The following ASNS variants were observed in gnomAD, a reference collection of about 807,000 sequenced individuals.
The protein encoded by ASNS is asparagine synthetase [glutamine-hydrolyzing].
A neutral mutation model predicts 62.6 loss-of-function variants in ASNS; 37 were observed. That is an observed-to-expected ratio of 0.59 (90% confidence interval 0.45 to 0.78). The LOEUF (loss-of-function observed/expected upper bound fraction) is 0.78. Ranked by LOEUF, ASNS falls within the 30% of genes least tolerant of loss-of-function variation. The pLI is 0.00. For missense variants in ASNS, 520 were observed against 682.4 expected (o/e 0.76, Z 2.65); for synonymous variants, 207 against 237.9 (o/e 0.87, Z 1.19).
At chr7:97,880,934 TTTTTGTTTTG>T in the ASNS span, among the ~76,000 whole-genome samples, 1 of 150,272 alleles carries the variant, frequency 6.7e-6, no homozygotes, top group South Asian at 2.1e-4. Context: ...TGTGTGTGTG[TTTTTGTTTTG>T]TTTTGTTTTG....
At chr7:97,877,289 T>C (rs1792461642), upstream of ASNS, among the ~76,000 whole-genome samples, 2 of 152,102 alleles carry the variant, frequency 1.3e-5, no homozygotes, top group South Asian at 4.2e-4. Context: ...GAGACGGGGT[T>C]TTACCATGTT....
the ASNS span, among the ~76,000 whole-genome samples, chr7:97,925,244 C>T: frequency 6.6e-6 from 1 of 152,170 alleles, no homozygotes; most frequent in South Asian, 2.1e-4. Context: ...TCTCATTTAT[C>T]TCCATTTTAT....
chr7:97,854,090 G>A (rs1791313476), intron 10 of ASNS, among the ~76,000 whole-genome samples: 1 of 152,152 alleles, frequency 6.6e-6, no homozygotes, highest in South Asian at 2.1e-4. Flanking sequence ...AAAGAAACCT[G>A]GTTCTTTATA....
chr7:97,878,862 G>A, the ASNS span, among the ~76,000 whole-genome samples: 1 of 152,164 alleles, frequency 6.6e-6, no homozygotes, highest in South Asian at 2.1e-4. Flanking sequence ...AAAGAACAAA[G>A]CTGGAGGCAT....
At chr7:97,858,656 A>C (rs1019715637) in intron 6 of ASNS, among the ~76,000 whole-genome samples, 198 bp downstream of exon 6, 6 of 152,216 alleles carry the variant, frequency 3.9e-5, no homozygotes, top group Non-Finnish European at 8.8e-5. Flanking sequence ...AACACCAATA[A>C]CATAGCTATA....
At position 97,852,156 on chromosome 7, in the gene ASNS, C is replaced by A; in HGVS notation, c.*103G>T. 1 of 1,314,700 alleles carries A rather than the reference C, an allele frequency of 7.6e-7. No homozygotes were observed. The highest frequency in any genetic ancestry group is 1.1e-6 in the Non-Finnish European group (1 of 951,624). The allele number at this position is 1,314,700 out of a possible 1,614,324, so 81.4% of individuals were successfully genotyped here. ...AGATTTAGGACTTTTATTTTTTTCA[C>A]ACCCAAGTTAGCCTGAGTTGACTCT... On this transcript the variant is annotated 3_prime_UTR_variant, in exon 13 of 13. Transcript: ENST00000394308.
At chr7:97,900,235 G>C in the ASNS span, among the ~76,000 whole-genome samples, 1 of 150,776 alleles carries the variant, frequency 6.6e-6, no homozygotes, top group Non-Finnish European at 1.5e-5. Context: ...GGTGGCAGGT[G>C]CCTATAATCC....
intron 4 of ASNS, 115 bp from the exon 5 acceptor site, chr7:97,859,513 C>A: frequency 8.7e-7 from 1 of 1,143,984 alleles, no homozygotes. Flanking sequence ...AACACATACC[C>A]ATTAAATAAG....
chr7:97,893,424 T>G, the ASNS span, among the ~76,000 whole-genome samples: 2 of 152,356 alleles, frequency 1.3e-5, no homozygotes, highest in Admixed American at 1.3e-4. Context: ...ATTACCTACC[T>G]AAAAGATAGA....
At chr7:97,903,054 C>T in the ASNS span, among the ~76,000 whole-genome samples, 1 of 152,070 alleles carries the variant, frequency 6.6e-6, no homozygotes, top group Non-Finnish European at 1.5e-5. Flanking sequence ...GCACAGGGAA[C>T]CCCCACACAT....
the ASNS span, among the ~76,000 whole-genome samples, chr7:97,878,366 A>T: frequency 7.4e-3 from 1,131 of 152,304 alleles, 14 homozygotes; most frequent in African/African-American, 0.026. Flanking sequence ...GAGAGTCGTG[A>T]TCGATTGACC....
upstream of ASNS, among the ~76,000 whole-genome samples, chr7:97,875,594 G>A (rs1247803831): frequency 6.6e-6 from 1 of 152,208 alleles, no homozygotes; most frequent in Non-Finnish European, 1.5e-5. Flanking sequence ...GGAATGTGGT[G>A]GATCATAGAG....
rs750292450 is a variant in ASNS at position 97,864,248 on chromosome 7, T to A, written c.487+11A>T. The A allele has an allele frequency of 6.3e-7, 1 of 1,592,358 alleles. No individual in the cohort carries two copies. Among genetic ancestry groups the A allele is most frequent in the South Asian group, 1.1e-5 (1 of 87,136 alleles). ...ACAATAATGAAAATCTATAGAAAAA[T>A]TTATTATTACCTTTAGCTTCTGAAC... On this transcript the variant is annotated intron_variant, in intron 4 of 12. Transcript: ENST00000394308.
In ASNS at chr7:97,858,846, G is replaced by T. The variant is rs1472631707; in HGVS notation, c.775+8C>A. On this transcript the variant is annotated splice_region_variant and intron_variant, in intron 6 of 12. Coordinates refer to ENST00000394308, the MANE Select transcript of ASNS (RefSeq NM_001673.5). ...GAAATATAATTAGGTTTTTTTAATT[G>T]ACTTCACCTGATAAAAGGCAGCCAA... 1 of 1,602,996 alleles carries T rather than the reference G, an allele frequency of 6.2e-7. No homozygotes were observed. Among genetic ancestry groups the T allele is most frequent in the Non-Finnish European group, 8.5e-7 (1 of 1,176,034 alleles).
chr7:97,878,329 G>C, the ASNS span, among the ~76,000 whole-genome samples: 22 of 152,274 alleles, frequency 1.4e-4, no homozygotes, highest in African/African-American at 4.6e-4. Context: ...CTCTAAGGGG[G>C]TCCACATGAG....
At chr7:97,884,738 A>T in the ASNS span, among the ~76,000 whole-genome samples, 1 of 152,204 alleles carries the variant, frequency 6.6e-6, no homozygotes, top group African/African-American at 2.4e-5. Flanking sequence ...AATATAATTC[A>T]GGTACCGTAT....
the ASNS span, among the ~76,000 whole-genome samples, chr7:97,917,329 A>C: frequency 1.3e-5 from 2 of 151,962 alleles, no homozygotes; most frequent in African/African-American, 4.8e-5. Context: ...CTTGAAACTC[A>C]CAGAGAAGCC....
At chr7:97,878,632 C>T in the ASNS span, among the ~76,000 whole-genome samples, 89 of 152,148 alleles carry the variant, frequency 5.8e-4, no homozygotes, top group Non-Finnish European at 2.4e-4. Context: ...CACTGCTCAA[C>T]GAAATAAAAG....
chr7:97,910,375 A>C, the ASNS span, among the ~76,000 whole-genome samples: 1 of 152,184 alleles, frequency 6.6e-6, no homozygotes, highest in African/African-American at 2.4e-5. Context: ...ATTCACTACC[A>C]TCCCAGGCAT....
Sources: gnomAD v4.1 joint callset for allele counts (sites outside exome capture counted in the v4.1 genomes callset) on GRCh38, gnomAD v4.1.1 for gene constraint, MANE v1.5 for transcripts, NCBI Gene and HGNC (gene_info 2026-07-23, HGNC 2026-07-21) for gene names.